Variants in DNM3 observed in about 807,000 individuals in gnomAD.
DNM3 encodes dynamin 3, also known as dynamin-3.
A neutral mutation model predicts 101.6 loss-of-function variants in DNM3; 47 were observed. The ratio of observed to expected loss-of-function variants is 0.46; its 90% CI spans 0.37 to 0.59. DNM3 has a LOEUF of 0.59. Among genes scored for constraint, DNM3 ranks in the 20% least tolerant of loss-of-function variants. The pLI, the probability that DNM3 is intolerant of heterozygous loss-of-function variation, is 0.00. For synonymous variants in DNM3, 385 were observed against 387.9 expected, an observed-to-expected ratio of 0.99 and a Z score of 0.09; for missense variants, 849 against 1,085.7, an observed-to-expected ratio of 0.78 and a Z score of 3.06.
chr1:172,168,776 T>C (rs2058844319), intron 14 of DNM3, among the ~76,000 whole-genome samples: 1 of 151,974 alleles, frequency 6.6e-6, no homozygotes, highest in Non-Finnish European at 1.5e-5. Flanking sequence ...CACGGTCTTA[T>C]TGCCTATAGA....
chr1:172,377,002 CTAATA>C (rs2068635183), intron 17 of DNM3, among the ~76,000 whole-genome samples: 1 of 151,906 alleles, frequency 6.6e-6, no homozygotes, highest in East Asian at 1.9e-4. Flanking sequence ...AATGTGGATG[CTAATA>C]TAATTTTCCT....
chr1:171,930,635 G>A (rs959496316), intron 2 of DNM3, among the ~76,000 whole-genome samples: 10 of 152,148 alleles, frequency 6.6e-5, no homozygotes, highest in East Asian at 1.9e-4. Context: ...TTTACTCACC[G>A]CTTCCCTGGG....
At chr1:172,186,393 T>C (rs2059526142) in intron 14 of DNM3, among the ~76,000 whole-genome samples, 1 of 151,800 alleles carries the variant, frequency 6.6e-6, no homozygotes, top group Non-Finnish European at 1.5e-5. Flanking sequence ...TTTTTTTTTT[T>C]AACTTTGTAA....
intron 10 of DNM3, among the ~76,000 whole-genome samples, chr1:172,056,922 A>G (rs2050684426): frequency 6.6e-6 from 1 of 152,024 alleles, no homozygotes; most frequent in Non-Finnish European, 1.5e-5. Flanking sequence ...TTCAAACCAA[A>G]GGCAAAGAAG....
intron 17 of DNM3, among the ~76,000 whole-genome samples, chr1:172,362,510 G>A (rs948124886): frequency 5.9e-5 from 9 of 151,870 alleles, no homozygotes; most frequent in Admixed American, 3.9e-4. Context: ...TATTTCTCCT[G>A]TACAGCATAC....
intron 2 of DNM3, among the ~76,000 whole-genome samples, chr1:171,938,669 C>T (rs1180640637): frequency 1.3e-5 from 2 of 151,960 alleles, no homozygotes; most frequent in Non-Finnish European, 2.9e-5. Context: ...TCCAAAGTTC[C>T]CAGTTGGAAA....
At chr1:171,898,368 A>G (rs2037996874) in intron 1 of DNM3, among the ~76,000 whole-genome samples, 2 of 152,160 alleles carry the variant, frequency 1.3e-5, no homozygotes, top group Non-Finnish European at 2.9e-5. Context: ...GTCCTATACC[A>G]TTTGTAAGAA....
At chr1:172,140,030 AT>A (rs1264988718) in intron 14 of DNM3, 2 of 152,082 alleles carry the variant, frequency 1.3e-5, no homozygotes, top group African/African-American at 4.8e-5. Flanking sequence ...TTGTCCAAGG[AT>A]TGTATAATTA....
chr1:171,931,254 T>C (rs941726170), intron 2 of DNM3, among the ~76,000 whole-genome samples: 18 of 152,200 alleles, frequency 1.2e-4, no homozygotes, highest in Admixed American at 1.0e-3. Flanking sequence ...ACAAATTCAA[T>C]GCAATCCCTG....
At chr1:172,120,428 G>A (rs868309217) in intron 13 of DNM3, among the ~76,000 whole-genome samples, 9 of 152,138 alleles carry the variant, frequency 5.9e-5, no homozygotes, top group South Asian at 4.2e-4. Flanking sequence ...ATTTGCATGG[G>A]GACAGAGCCA....
At chr1:172,168,034 G>A (rs548836346) in intron 14 of DNM3, among the ~76,000 whole-genome samples, 4 of 151,978 alleles carry the variant, frequency 2.6e-5, no homozygotes, top group South Asian at 4.2e-4. Context: ...TACCATCTCC[G>A]GGAGTAATTA....
At chr1:171,950,164 T>G (rs1286394055) in intron 2 of DNM3, among the ~76,000 whole-genome samples, 4 of 152,074 alleles carry the variant, frequency 2.6e-5, no homozygotes, top group Non-Finnish European at 4.4e-5. Flanking sequence ...GCTCAGTGGC[T>G]GGGGTGAATC....
Position 172,379,124 on chromosome 1 carries a change from T to C in DNM3, c.2000T>C (p.Ile667Thr), listed in dbSNP as rs2068758700. The change falls in exon 18 of 21, where the codon ATC (isoleucine) becomes ACC (threonine). Residue 667 changes from isoleucine to threonine, a missense_variant. Coordinates refer to ENST00000627582, the MANE Select transcript of DNM3 (RefSeq NM_015569.5). ...RNLVDSYMSIINKCIRDLIPK... is the reference protein window; with the variant it reads ...RNLVDSYMSITNKCIRDLIPK... The stretch of plus-strand genomic sequence containing the variant: ...CTCGTAGACTCCTACATGTCCATTA[T>C]CAACAAATGTATCCGAGATCTAATT... The C allele has an allele frequency of 6.2e-7, 1 of 1,611,790 alleles. No homozygotes were observed. Among genetic ancestry groups the C allele is most frequent in the Non-Finnish European group, 8.5e-7 (1 of 1,178,762 alleles).
intron 13 of DNM3, among the ~76,000 whole-genome samples, chr1:172,123,258 AT>A (rs2056425298): frequency 1.3e-5 from 2 of 152,168 alleles, no homozygotes; most frequent in African/African-American, 2.4e-5. Flanking sequence ...CAATTTCACT[AT>A]TCTTTAAATC....
intron 11 of DNM3, among the ~76,000 whole-genome samples, chr1:172,071,620 A>G (rs1438775907): frequency 6.6e-6 from 1 of 150,894 alleles, no homozygotes; most frequent in Non-Finnish European, 1.5e-5. Context: ...CTGCTCTGGA[A>G]GCTTTGTGGG....
chr1:172,162,837 T>A (rs1281018406), intron 14 of DNM3, among the ~76,000 whole-genome samples: 1 of 152,102 alleles, frequency 6.6e-6, no homozygotes, highest in Non-Finnish European at 1.5e-5. Context: ...TTTTCAGGGC[T>A]TTGCATAAGG....
chr1:172,028,481 G>A (rs1572155494), intron 4 of DNM3, among the ~76,000 whole-genome samples: 1 of 152,050 alleles, frequency 6.6e-6, no homozygotes, highest in African/African-American at 2.4e-5. Flanking sequence ...ATCTAAAATC[G>A]ACACCCTAAC....
chr1:172,061,411 C>T (rs989469433), intron 10 of DNM3, among the ~76,000 whole-genome samples: 1 of 150,664 alleles, frequency 6.6e-6, no homozygotes, highest in African/African-American at 2.5e-5. Context: ...ATGTTTATTG[C>T]AGCACTATTC....
intron 11 of DNM3, among the ~76,000 whole-genome samples, chr1:172,069,354 A>C (rs902527876): frequency 3.9e-5 from 6 of 152,084 alleles, no homozygotes; most frequent in Non-Finnish European, 8.8e-5. Context: ...TTTTTTTCTG[A>C]GGAGAGAGTG....
Sources: allele counts gnomAD v4.1 joint callset (sites outside exome capture counted in the v4.1 genomes callset), GRCh38; gene constraint gnomAD v4.1.1; transcripts MANE v1.5; gene names NCBI Gene and HGNC (gene_info 2026-07-23, HGNC 2026-07-21).